Variants in TMEM87A observed in about 807,000 individuals in gnomAD.
TMEM87A encodes transmembrane protein 87A.
TMEM87A carries 50 observed loss-of-function variants against 90.0 expected under a neutral mutation model. That is an observed-to-expected ratio of 0.56 (90% CI 0.44 to 0.70). TMEM87A has a LOEUF of 0.70. Ranked by LOEUF, TMEM87A falls within the 30% of genes least tolerant of loss-of-function variation. The pLI is 0.00. For missense variants in TMEM87A, 577 were observed against 660.5 expected, an observed-to-expected ratio of 0.87 and a Z score of 1.39; for synonymous variants, 226 against 226.7, an observed-to-expected ratio of 1.00 and a Z score of 0.03.
At chr15:42,238,005 A>G (rs10579149) in intron 8 of TMEM87A, among the ~76,000 whole-genome samples, 11 of 12,172 alleles carry the variant, frequency 9.0e-4, no homozygotes, top group East Asian at 1.3e-3. Context: ...ATATATATAT[A>G]TGTGTGTGTG....
In TMEM87A at chr15:42,261,197, T is replaced by C. The variant is rs1436217143; in HGVS notation, c.458A>G (p.Glu153Gly). ...HRLPLLGEKQ[E>G]AKENGTNLTF... ...GAAATATATAATGAAAACAATTACC[T>C]CCTGTTTTTCTCCTAAAAGAGGCAG... The change falls in exon 5 of 20, where the codon GAG becomes GGG. Residue 153 changes from glutamate to glycine, a missense_variant and splice_region_variant. Transcript: ENST00000389834. The C allele has an allele frequency of 1.3e-5, 21 of 1,612,922 alleles. No individual in the cohort carries two copies. The highest frequency in any genetic ancestry group is 1.7e-5 in the Non-Finnish European group (20 of 1,179,562).
At chr15:42,238,007 G>A (rs141191752) in intron 8 of TMEM87A, among the ~76,000 whole-genome samples, 2 of 652 alleles carry the variant, frequency 3.1e-3, no homozygotes, top group South Asian at 0.062. Flanking sequence ...ATATATATAT[G>A]TGTGTGTGTG....
At chr15:42,261,347 A>C (rs2051287215) in intron 4 of TMEM87A, 98 bp from the exon 5 acceptor site, 2 of 880,992 alleles carry the variant, frequency 2.3e-6, no homozygotes, top group Non-Finnish European at 3.4e-6. Context: ...AAAACACCAC[A>C]CCCTAACTAG....
chr15:42,254,964 CTTTTTT>C (rs60449122), intron 6 of TMEM87A, among the ~76,000 whole-genome samples: 2 of 125,416 alleles, frequency 1.6e-5, no homozygotes, highest in Non-Finnish European at 3.5e-5. Context: ...GGGAGGTCTC[CTTTTTT>C]TTTTTTTTTT....
At chr15:42,265,478 TC>T (rs1455775249) in intron 3 of TMEM87A, among the ~76,000 whole-genome samples, 2 of 152,204 alleles carry the variant, frequency 1.3e-5, no homozygotes, top group South Asian at 2.1e-4. Context: ...TTTTTTTTTT[TC>T]ATATGCTTGT....
chr15:42,250,626 C>T (rs1040331139), intron 6 of TMEM87A, among the ~76,000 whole-genome samples: 5 of 152,186 alleles, frequency 3.3e-5, no homozygotes, highest in Admixed American at 1.3e-4. Flanking sequence ...TGATGGCCTT[C>T]CCTTTGTGGG....
intron 6 of TMEM87A, among the ~76,000 whole-genome samples, chr15:42,255,009 G>C (rs1309956388): frequency 6.9e-6 from 1 of 145,764 alleles, no homozygotes; most frequent in Admixed American, 7.0e-5. Context: ...TTATTGCTTA[G>C]ACTGGAGTAC....
At chr15:42,265,653 GTCTAC>G (rs1218055274) in intron 3 of TMEM87A, among the ~76,000 whole-genome samples, 1 of 152,098 alleles carries the variant, frequency 6.6e-6, no homozygotes, top group Non-Finnish European at 1.5e-5. Flanking sequence ...TCTGTAGGCT[GTCTAC>G]TCTATTGATA....
chr15:42,222,462 G>A (rs761433483), intron 15 of TMEM87A, among the ~76,000 whole-genome samples: 41 of 152,130 alleles, frequency 2.7e-4, no homozygotes, highest in Admixed American at 1.4e-3. Flanking sequence ...CAGAAGCCTA[G>A]GGTAATTCAG....
chr15:42,237,816 C>A (rs188981770), intron 8 of TMEM87A, among the ~76,000 whole-genome samples: 70 of 152,054 alleles, frequency 4.6e-4, no homozygotes, highest in African/African-American at 1.6e-3. Flanking sequence ...GCATAAGCCA[C>A]AGCGCCTGTC....
intron 3 of TMEM87A, among the ~76,000 whole-genome samples, chr15:42,267,725 C>G (rs1288818598): frequency 1.3e-5 from 2 of 152,178 alleles, no homozygotes; most frequent in African/African-American, 4.8e-5. Context: ...GCATAACCCA[C>G]ATGCTCAAAG....
intron 6 of TMEM87A, chr15:42,258,158 A>C (rs2051218382): frequency 1.0e-6 from 1 of 975,626 alleles, no homozygotes; most frequent in Admixed American, 6.2e-5. Context: ...GACACTATAC[A>C]AGCATTTAAG....
At chr15:42,224,295 A>G (rs1338850208) in intron 15 of TMEM87A, 1 of 152,270 alleles carries the variant, frequency 6.6e-6, no homozygotes, top group Non-Finnish European at 1.5e-5. Flanking sequence ...TGAAAGCTCA[A>G]ATGGGTTTCC....
intron 15 of TMEM87A, among the ~76,000 whole-genome samples, chr15:42,220,846 C>G (rs1337656488): frequency 6.6e-6 from 1 of 152,108 alleles, no homozygotes; most frequent in Non-Finnish European, 1.5e-5. Context: ...GGCTGGAGTG[C>G]AGTGGCATGA....
chr15:42,211,138 C>CTTTTTTTTTTT lies in TMEM87A; in HGVS notation c.*559_*569dup, dbSNP rs11433755. On this transcript the variant is annotated 3_prime_UTR_variant, in exon 20 of 20. Coordinates refer to ENST00000389834, the MANE Select transcript of TMEM87A (RefSeq NM_015497.5). The stretch of plus-strand genomic sequence containing the variant: ...TCTGAATCATACTGTAACAGTTTCT[C>CTTTTTTTTTTT]TTTTTTTTTTTTTCTTTTGATCATT... 28 of 145,286 alleles carry CTTTTTTTTTTT rather than the reference C, an allele frequency of 1.9e-4. No homozygotes were observed. Among genetic ancestry groups the CTTTTTTTTTTT allele is most frequent in the Non-Finnish European group, 2.6e-4 (17 of 66,282 alleles). 9.0% of individuals were successfully genotyped at this position (145,286 alleles called of 1,614,324 possible).
intron 2 of TMEM87A, among the ~76,000 whole-genome samples, chr15:42,270,267 G>A (rs894663119): frequency 6.6e-6 from 1 of 152,046 alleles, no homozygotes; most frequent in Non-Finnish European, 1.5e-5. Context: ...CTACTCGGGA[G>A]GCTGAGGCAG....
intron 15 of TMEM87A, among the ~76,000 whole-genome samples, chr15:42,224,177 C>T (rs1389712828): frequency 2.6e-5 from 4 of 152,208 alleles, no homozygotes; most frequent in Non-Finnish European, 2.9e-5. Context: ...CATATCAGCT[C>T]TGACCTCCAG....
chr15:42,211,737 T>G lies in TMEM87A; in HGVS notation c.1639A>C (p.Thr547Pro). 6.2e-7 allele frequency: 1 copy of G among 1,612,224 alleles called. No homozygotes were observed. Among genetic ancestry groups the G allele is most frequent in the Non-Finnish European group, 8.5e-7 (1 of 1,179,446 alleles). ...LLDSDEERMI[T>P]HFERSKME ...TCCATTTTGGACCTTTCAAAGTGTG[T>G]GATCATTCGTTCCTAGGGAAAAAAA... The change falls in exon 20 of 20, where the codon ACA becomes CCA. Residue 547 changes from threonine to proline, a missense_variant. Transcript: ENST00000389834.
chr15:42,218,818 G>T, intron 17 of TMEM87A: 1 of 159,764 alleles, frequency 6.3e-6, no homozygotes, highest in East Asian at 1.8e-4. Context: ...ATCTACTGAT[G>T]GACATGCAGG....
Sources: allele counts gnomAD v4.1 joint callset (sites outside exome capture counted in the v4.1 genomes callset), GRCh38; gene constraint gnomAD v4.1.1; transcripts MANE v1.5; gene names NCBI Gene and HGNC (gene_info 2026-07-23, HGNC 2026-07-21).